The following LACTB2 variants were observed in gnomAD, a reference collection of about 807,000 sequenced individuals.
LACTB2 encodes the protein endoribonuclease LACTB2.
A neutral mutation model predicts 34.8 loss-of-function variants in LACTB2; 32 were observed. The ratio of observed to expected loss-of-function variants is 0.92; its 90% CI spans 0.69 to 1.24. LACTB2 has a LOEUF of 1.24. LACTB2 is among the 50% of genes most tolerant of loss of function. The probability of loss-of-function intolerance (pLI) is 0.00; values close to 1 mark genes in which losing one functional copy is unlikely to be tolerated. For synonymous variants in LACTB2, 120 were observed against 117.5 expected, an observed-to-expected ratio of 1.02 and a Z score of -0.14; for missense variants, 320 against 345.0, an observed-to-expected ratio of 0.93 and a Z score of 0.57.
At chr8:70,644,603 C>G (rs988815139) in intron 3 of LACTB2, among the ~76,000 whole-genome samples, 1 of 152,168 alleles carries the variant, frequency 6.6e-6, no homozygotes, top group Non-Finnish European at 1.5e-5. Context: ...TCCTGAGTAG[C>G]TGGAACCACA....
chr8:70,658,435 T>C (rs1053265600), intron 2 of LACTB2, among the ~76,000 whole-genome samples: 12 of 152,252 alleles, frequency 7.9e-5, no homozygotes, highest in African/African-American at 2.9e-4. Flanking sequence ...CAATTAACAA[T>C]TGAGTGCCAA....
chr8:70,650,450 AC>A (rs1818324711), intron 3 of LACTB2, among the ~76,000 whole-genome samples: 1 of 152,160 alleles, frequency 6.6e-6, no homozygotes, highest in African/African-American at 2.4e-5. Flanking sequence ...CTCCTGGAGC[AC>A]AGAAAAAGGC....
rs112098038 is a variant in LACTB2 at position 70,661,557 on chromosome 8, G to A, written c.286+177C>T. The stretch of plus-strand genomic sequence containing the variant: ...ATTTGAAACAGAAATCAGGATTTCC[G>A]TTCCTCCTTTGTTAAAACTAGGCAC... On this transcript the variant is annotated intron_variant, in intron 2 of 6. Transcript: ENST00000276590. 321 of 518,526 alleles carry A rather than the reference G, an allele frequency of 6.2e-4. 1 individual carries two copies. The highest frequency in any genetic ancestry group is 1.0e-3 in the Middle Eastern group (2 of 1,914). 32.1% of individuals were successfully genotyped at this position (518,526 alleles called of 1,614,324 possible).
intron 3 of LACTB2, among the ~76,000 whole-genome samples, chr8:70,656,959 T>C (rs1204907945): frequency 6.6e-6 from 1 of 152,146 alleles, no homozygotes; most frequent in Non-Finnish European, 1.5e-5. Flanking sequence ...CTTAGAAGAA[T>C]GAGTAAAGTC....
At chr8:70,651,837 T>G (rs1818347506) in intron 3 of LACTB2, 1 of 152,194 alleles carries the variant, frequency 6.6e-6, no homozygotes, top group South Asian at 2.1e-4. Context: ...GGAAATGACA[T>G]CAGAGGTGCT....
At chr8:70,664,176 TC>T (rs1818512645) in intron 1 of LACTB2, among the ~76,000 whole-genome samples, 1 of 152,180 alleles carries the variant, frequency 6.6e-6, no homozygotes, top group African/African-American at 2.4e-5. Context: ...AAAGAATACT[TC>T]CATGCTTCAG....
At chr8:70,658,176 T>G (rs7814274) in intron 2 of LACTB2, among the ~76,000 whole-genome samples, 3 of 151,730 alleles carry the variant, frequency 2.0e-5, no homozygotes, top group Non-Finnish European at 4.4e-5. Flanking sequence ...TTCGGCATCC[T>G]GACAAGTGTT....
At chr8:70,640,121 T>C (rs1818177551) in intron 5 of LACTB2, among the ~76,000 whole-genome samples, 2 of 152,148 alleles carry the variant, frequency 1.3e-5, no homozygotes, top group Non-Finnish European at 2.9e-5. Flanking sequence ...CCATGACACC[T>C]GGCTCATTTA....
At chr8:70,663,689 T>A (rs1046452311) in intron 1 of LACTB2, among the ~76,000 whole-genome samples, 2 of 152,162 alleles carry the variant, frequency 1.3e-5, no homozygotes, top group Non-Finnish European at 2.9e-5. Flanking sequence ...GGTGTGCCAT[T>A]AATCAAGAAG....
chr8:70,644,133 T>G lies in LACTB2; in HGVS notation c.524A>C (p.Glu175Ala), dbSNP rs755288468. 25 of 1,612,652 alleles carry G rather than the reference T, an allele frequency of 1.6e-5. No individual in the cohort carries two copies. The South Asian group carries it at 2.6e-4, about 17-fold the overall frequency. Residue 175 changes from glutamate to alanine, a missense_variant, in exon 4 of 7, where the codon GAA becomes GCA. Transcript: ENST00000276590. ...AGAGTTCATATAATCATAGAGGTCT[T>G]CAAATACCGTTGTTCCTTCCCCTAG... Reference protein sequence around the residue: ...CILGEGTTVFEDLYDYMNSLK... With the variant: ...CILGEGTTVFADLYDYMNSLK...
chr8:70,650,537 C>G (rs952414540), intron 3 of LACTB2, among the ~76,000 whole-genome samples: 6 of 152,006 alleles, frequency 3.9e-5, no homozygotes, highest in African/African-American at 1.4e-4. Context: ...CGAGATCAGC[C>G]TGGCCAACAT....
intron 1 of LACTB2, among the ~76,000 whole-genome samples, chr8:70,665,408 T>C (rs1426491013): frequency 1.3e-5 from 2 of 152,236 alleles, no homozygotes; most frequent in Non-Finnish European, 2.9e-5. Context: ...TTCCTTGTTA[T>C]AGGTATTTCA....
intron 3 of LACTB2, among the ~76,000 whole-genome samples, chr8:70,644,940 T>A (rs1200648209): frequency 3.3e-5 from 5 of 152,164 alleles, no homozygotes; most frequent in African/African-American, 9.6e-5. Flanking sequence ...TGATTTTCTA[T>A]GCATATTTAT....
intron 2 of LACTB2, among the ~76,000 whole-genome samples, chr8:70,658,492 T>G (rs1197076273): frequency 2.0e-5 from 3 of 152,132 alleles, no homozygotes; most frequent in Non-Finnish European, 4.4e-5. Flanking sequence ...CACTGTGATA[T>G]CAAAGTTCTT....
In LACTB2 at chr8:70,645,063, T is replaced by TAC. The variant is rs200885166; in HGVS notation, c.414-822_414-821dup. Among the ~76,000 whole-genome samples the TAC allele has an allele frequency of 2.5e-4, 38 of 152,022 alleles. No individual in the cohort carries two copies. The East Asian group carries it at 2.7e-3, about 11-fold the overall frequency. Reference sequence around the variant, plus strand: ...GTTTACATCATTTTATATATATATATACACACACACACACATATACACATA... The same window carrying TAC: ...GTTTACATCATTTTATATATATATATACACACACACACACACATATACACATA... On this transcript the variant is annotated intron_variant, in intron 3 of 6. Coordinates refer to ENST00000276590, the MANE Select transcript of LACTB2 (RefSeq NM_016027.3).
intron 2 of LACTB2, chr8:70,660,489 T>A: frequency 2.6e-6 from 1 of 391,506 alleles, no homozygotes; most frequent in East Asian, 7.2e-5. Context: ...ATGTCCCAAT[T>A]GTAGTCACAA....
At chr8:70,649,517 A>G (rs1248471150) in intron 3 of LACTB2, among the ~76,000 whole-genome samples, 1 of 152,218 alleles carries the variant, frequency 6.6e-6, no homozygotes, top group African/African-American at 2.4e-5. Context: ...ATAGTTTACT[A>G]CACGGTTCAG....
chr8:70,640,539 A>AG (rs1441547600), intron 5 of LACTB2: 1 of 154,156 alleles, frequency 6.5e-6, no homozygotes, highest in African/African-American at 2.4e-5. Flanking sequence ...TGTGTCTAGC[A>AG]GGTCACCCCT....
At chr8:70,645,530 A>G (rs887400850) in intron 3 of LACTB2, among the ~76,000 whole-genome samples, 1 of 151,988 alleles carries the variant, frequency 6.6e-6, no homozygotes, top group Non-Finnish European at 1.5e-5. Context: ...GTTTTAGGGT[A>G]CATGTGCACA....
Sources: allele counts gnomAD v4.1 joint callset (sites outside exome capture counted in the v4.1 genomes callset), GRCh38; gene constraint gnomAD v4.1.1; transcripts MANE v1.5; gene names NCBI Gene and HGNC (gene_info 2026-07-23, HGNC 2026-07-21).